RAB27B: variants seen among roughly 807,000 people sequenced by gnomAD.
RAB27B encodes RAB27B, member RAS oncogene family.
RAB27B carries 15 observed loss-of-function variants against 24.6 expected under a neutral mutation model. That is an observed-to-expected ratio of 0.61 (90% CI 0.41 to 0.94). The LOEUF is 0.94. RAB27B is among the 40% of genes least tolerant of loss of function. The pLI is 0.00. For missense variants in RAB27B, 261 were observed against 266.8 expected, an observed-to-expected ratio of 0.98 and a Z score of 0.15; for synonymous variants, 105 against 92.5, an observed-to-expected ratio of 1.14 and a Z score of -0.78.
intron 2 of RAB27B, among the ~76,000 whole-genome samples, chr18:54,793,026 G>A (rs1360864567): frequency 6.6e-6 from 1 of 151,272 alleles, no homozygotes; most frequent in East Asian, 1.9e-4. Flanking sequence ...ATCTGCATTT[G>A]GTTGAAAAAA....
Position 54,895,434 on chromosome 18 carries a change from G to A in RAB27B, c.*6021G>A, listed in dbSNP as rs779088955. The A allele has an allele frequency of 1.5e-4, 23 of 151,998 alleles. No individual in the cohort carries two copies. The highest frequency in any genetic ancestry group is 3.4e-4 in the Non-Finnish European group (23 of 67,978). The allele number at this position is 151,998 out of a possible 1,614,324, so 9.4% of individuals were successfully genotyped here. On this transcript the variant is annotated 3_prime_UTR_variant, in exon 6 of 6. Coordinates refer to ENST00000262094, the MANE Select transcript of RAB27B (RefSeq NM_004163.4). ...AGCATCCAATGATTTTTTGGTGTCTGGCTATGAATACTATGGTTGAGAATT... is the reference window on the plus strand; with the variant it reads ...AGCATCCAATGATTTTTTGGTGTCTAGCTATGAATACTATGGTTGAGAATT...
chr18:54,770,042 T>C (rs929320904), intron 2 of RAB27B, among the ~76,000 whole-genome samples: 31 of 152,124 alleles, frequency 2.0e-4, no homozygotes, highest in African/African-American at 6.3e-4. Flanking sequence ...TAATTTTTTG[T>C]ATTTTTAGTA....
At chr18:54,750,191 T>G (rs1036348635) in intron 2 of RAB27B, among the ~76,000 whole-genome samples, 1 of 152,162 alleles carries the variant, frequency 6.6e-6, no homozygotes, top group African/African-American at 2.4e-5. Flanking sequence ...ATCAATTAAA[T>G]TAATGATCAT....
chr18:54,797,137 A>G (rs1342053771), intron 2 of RAB27B, among the ~76,000 whole-genome samples: 1 of 152,248 alleles, frequency 6.6e-6, no homozygotes, highest in Non-Finnish European at 1.5e-5. Context: ...GCAGAAAGGC[A>G]AACAGACATT....
At chr18:54,786,726 T>C (rs887417586) in intron 2 of RAB27B, among the ~76,000 whole-genome samples, 2 of 152,194 alleles carry the variant, frequency 1.3e-5, no homozygotes, top group African/African-American at 4.8e-5. Flanking sequence ...AACCTAAATG[T>C]TCAAGTAATT....
chr18:54,881,773 G>C (rs969917813), intron 3 of RAB27B, among the ~76,000 whole-genome samples: 1 of 152,172 alleles, frequency 6.6e-6, no homozygotes, highest in African/African-American at 2.4e-5. Flanking sequence ...CAAGATGTCT[G>C]TTACTGCTCT....
At chr18:54,878,760 T>A (rs1966443) in intron 2 of RAB27B, among the ~76,000 whole-genome samples, 352 of 151,946 alleles carry the variant, frequency 2.3e-3, no homozygotes, top group Middle Eastern at 6.9e-3. Flanking sequence ...AGAATTTTTT[T>A]AAAAAAATTA....
chr18:54,876,336 A>G (rs1401232211), intron 1 of RAB27B, among the ~76,000 whole-genome samples: 2 of 152,202 alleles, frequency 1.3e-5, no homozygotes, highest in Non-Finnish European at 2.9e-5. Flanking sequence ...TAACCATATC[A>G]TGTCCATAGA....
At chr18:54,783,515 A>G (rs1247096164) in intron 2 of RAB27B, among the ~76,000 whole-genome samples, 1 of 143,162 alleles carries the variant, frequency 7.0e-6, no homozygotes, top group Non-Finnish European at 1.5e-5. Context: ...GTGTATGTAT[A>G]GCATAATACA....
At chr18:54,755,643 G>T (rs1213877941) in intron 2 of RAB27B, among the ~76,000 whole-genome samples, 1 of 152,074 alleles carries the variant, frequency 6.6e-6, no homozygotes, top group Admixed American at 6.6e-5. Flanking sequence ...CCAACAGTAT[G>T]GTCTGCATCA....
At chr18:54,720,941 A>G (rs937851926) in intron 2 of RAB27B, among the ~76,000 whole-genome samples, 6 of 152,108 alleles carry the variant, frequency 3.9e-5, no homozygotes, top group Non-Finnish European at 7.4e-5. Context: ...TAAATAAAAG[A>G]CTTAAAGGAA....
chr18:54,788,110 C>G (rs1005545328), intron 2 of RAB27B, among the ~76,000 whole-genome samples: 1 of 152,006 alleles, frequency 6.6e-6, no homozygotes. Context: ...CAAGGCCAGA[C>G]AAAAAATAGA....
At chr18:54,880,352 C>T (rs943850033) in intron 3 of RAB27B, 2 of 152,096 alleles carry the variant, frequency 1.3e-5, no homozygotes, top group Non-Finnish European at 2.9e-5. Flanking sequence ...GTGCAAAAGA[C>T]CCCAAGCTAA....
At chr18:54,857,645 C>T (rs1418039434) in intron 1 of RAB27B, among the ~76,000 whole-genome samples, 1 of 152,172 alleles carries the variant, frequency 6.6e-6, no homozygotes, top group African/African-American at 2.4e-5. Context: ...TGGGTGCATG[C>T]TTGATGTGAC....
At chr18:54,737,829 A>G (rs865849212) in intron 2 of RAB27B, among the ~76,000 whole-genome samples, 9 of 152,222 alleles carry the variant, frequency 5.9e-5, no homozygotes, top group African/African-American at 2.2e-4. Context: ...TTTTTCAAAC[A>G]TAAGAATATC....
rs145852076 is a variant in RAB27B at position 54,858,354 on chromosome 18, G to T, written c.-19-19213G>T. Among the ~76,000 whole-genome samples the T allele has an allele frequency of 2.1e-3, 323 of 151,568 alleles. 1 individual carries two copies. The highest frequency in any genetic ancestry group is 7.1e-3 in the African/African-American group (293 of 41,340). ...GTAAGAATAACACCTACCAAAATGG[G>T]CTCAGCTTCCAGCAGGAAAACTGTT... On this transcript the variant is annotated intron_variant, in intron 1 of 5. Coordinates refer to ENST00000262094, the MANE Select transcript of RAB27B (RefSeq NM_004163.4).
intron 2 of RAB27B, among the ~76,000 whole-genome samples, chr18:54,804,910 CTTTCTTTCTTTCTTTCTT>C (rs1401654629): frequency 0.46 from 52,844 of 114,534 alleles, 12,503 homozygotes; most frequent in East Asian, 0.64. Flanking sequence ...CTCTCTCTTT[CTTTCTTTCTTTCTTTCTT>C]TCTTTCTTTC....
chr18:54,804,904 C>CTCTCTCTCTT lies in RAB27B; in HGVS notation c.-19-72660_-19-72659insCTCTCTTTCT, dbSNP rs1555658012. ...TCTTTCTTTCTTTCTCTTTCTCTCT[C>CTCTCTCTCTT]TCTTTCTTTCTTTCTTTCTTTCTTT... On this transcript the variant is annotated intron_variant, in intron 2 of 4. Transcript: ENST00000586570. Among the ~76,000 whole-genome samples, 184 of 48,010 alleles carry CTCTCTCTCTT rather than the reference C, an allele frequency of 3.8e-3. 2 individuals carry two copies. Among genetic ancestry groups the CTCTCTCTCTT allele is most frequent in the African/African-American group, 8.6e-3 (172 of 19,910 alleles). The allele number at this position is 48,010 out of a possible 152,430, so 31.5% of individuals were successfully genotyped here.
At chr18:54,829,995 G>T (rs1910613892) in intron 1 of RAB27B, among the ~76,000 whole-genome samples, 1 of 152,154 alleles carries the variant, frequency 6.6e-6, no homozygotes, top group Admixed American at 6.5e-5. Context: ...CTCTCATACA[G>T]TGTTACTGTC....
Sources: allele counts gnomAD v4.1 joint callset (sites outside exome capture counted in the v4.1 genomes callset), GRCh38; gene constraint gnomAD v4.1.1; transcripts MANE v1.5; gene names NCBI Gene and HGNC (gene_info 2026-07-23, HGNC 2026-07-21).